The following ADK variants were observed in gnomAD, a reference collection of about 807,000 sequenced individuals.
ADK encodes N6,N6-dimethyladenosine kinase.
In ADK, 24 loss-of-function variants were observed where a neutral mutation model predicts 44.7. The ratio of observed to expected loss-of-function variants is 0.54; its 90% CI spans 0.39 to 0.76. The LOEUF (loss-of-function observed/expected upper bound fraction) is 0.76, where lower values mean the gene tolerates loss of function less well. ADK is among the 30% of genes least tolerant of loss of function. The pLI, the probability that ADK is intolerant of heterozygous loss-of-function variation, is 0.00. For missense variants in ADK, 321 were observed against 425.1 expected (o/e 0.76, Z 2.15); for synonymous variants, 128 against 142.6 (o/e 0.90, Z 0.73).
At chr10:74,443,810 C>T (rs747917579) in intron 6 of ADK, among the ~76,000 whole-genome samples, 16 of 152,008 alleles carry the variant, frequency 1.1e-4, no homozygotes, top group Non-Finnish European at 1.5e-4. Flanking sequence ...AATATTTAAA[C>T]GTACATTATA....
chr10:74,393,249 T>A (rs757663469), intron 4 of ADK, among the ~76,000 whole-genome samples: 4 of 152,202 alleles, frequency 2.6e-5, no homozygotes, highest in African/African-American at 4.8e-5. Flanking sequence ...AGATTATTTG[T>A]AGGTTATTTT....
At chr10:74,427,388 C>CG (rs1161720368) in intron 6 of ADK, among the ~76,000 whole-genome samples, 1 of 151,994 alleles carries the variant, frequency 6.6e-6, no homozygotes, top group Non-Finnish European at 1.5e-5. Context: ...TTAGTAGAGA[C>CG]GGGGTTTCAC....
chr10:74,416,270 C>T (rs1419962180), intron 6 of ADK, among the ~76,000 whole-genome samples: 1 of 151,854 alleles, frequency 6.6e-6, no homozygotes, highest in African/African-American at 2.4e-5. Context: ...TTTCCTGTTA[C>T]CCATTTTCAG....
chr10:74,293,282 A>AT, intron 3 of ADK, among the ~76,000 whole-genome samples: 1 of 152,056 alleles, frequency 6.6e-6, no homozygotes, highest in Middle Eastern at 3.4e-3. Context: ...ACACAAATAT[A>AT]TTTTTTATAC....
intron 10 of ADK, among the ~76,000 whole-genome samples, chr10:74,695,079 A>C (rs1856127390): frequency 6.6e-6 from 1 of 152,146 alleles, no homozygotes; most frequent in South Asian, 2.1e-4. Flanking sequence ...GTTGTAGCTC[A>C]AGTTTCCACC....
At chr10:74,526,779 C>G (rs1849059043) in intron 7 of ADK, among the ~76,000 whole-genome samples, 1 of 152,138 alleles carries the variant, frequency 6.6e-6, no homozygotes, top group African/African-American at 2.4e-5. Flanking sequence ...TGGTAATAGC[C>G]AAGTGCCATA....
intron 3 of ADK, among the ~76,000 whole-genome samples, chr10:74,238,839 T>C (rs1202763993): frequency 1.4e-5 from 2 of 145,128 alleles, no homozygotes; most frequent in Admixed American, 1.4e-4. Context: ...CATTGAAAAC[T>C]GCCACTTTAG....
In ADK at chr10:74,397,469, T is replaced by C. The variant is rs565613347; in HGVS notation, c.447-1002T>C. ...GGAAGGAAAGTATTTTTATTTATAA[T>C]GTAAATAATTATTGTATTTATTTTT... On this transcript the variant is annotated intron_variant, in intron 5 of 10. Coordinates refer to ENST00000539909, the MANE Select transcript of ADK (RefSeq NM_006721.4). Among the ~76,000 whole-genome samples, 6 of 152,206 alleles carry C rather than the reference T, an allele frequency of 3.9e-5. No homozygotes were observed. In the South Asian group the frequency reaches 1.2e-3, roughly 32 times the overall value.
chr10:74,188,773 C>G (rs981765705), intron 1 of ADK, among the ~76,000 whole-genome samples: 1 of 151,104 alleles, frequency 6.6e-6, no homozygotes, highest in African/African-American at 2.4e-5. Context: ...TTCATTCATT[C>G]ATTCATACAT....
At chr10:74,625,544 A>G (rs1468968156) in intron 9 of ADK, among the ~76,000 whole-genome samples, 1 of 152,176 alleles carries the variant, frequency 6.6e-6, no homozygotes. Context: ...TCACACTTCC[A>G]TTTGTTTATA....
intron 10 of ADK, among the ~76,000 whole-genome samples, chr10:74,704,589 T>TA (rs1451907740): frequency 1.3e-5 from 2 of 152,212 alleles, no homozygotes; most frequent in South Asian, 4.1e-4. Flanking sequence ...GCAAAGGTCT[T>TA]AGCTTTTTTC....
chr10:74,406,455 A>T (rs7898073), intron 6 of ADK, among the ~76,000 whole-genome samples: 97,297 of 150,294 alleles, frequency 0.65, 32,774 homozygotes, highest in Middle Eastern at 0.81. Flanking sequence ...GAAATTATTT[A>T]ACAATAAGTT....
chr10:74,204,670 C>T (rs1843523758), intron 2 of ADK, among the ~76,000 whole-genome samples: 1 of 152,166 alleles, frequency 6.6e-6, no homozygotes, highest in Non-Finnish European at 1.5e-5. Flanking sequence ...TATACAGTTA[C>T]TTTAATGATT....
chr10:74,663,381 T>A (rs535321281), intron 9 of ADK, among the ~76,000 whole-genome samples: 1 of 151,894 alleles, frequency 6.6e-6, no homozygotes, highest in African/African-American at 2.4e-5. Context: ...GTATTCCCAG[T>A]CCCTAATAAA....
intron 4 of ADK, among the ~76,000 whole-genome samples, chr10:74,364,687 GGTGTGTGTGTGTGTGTGTGTGTGTGTGT>G (rs58295310): frequency 2.4e-4 from 33 of 136,360 alleles, no homozygotes; most frequent in Non-Finnish European, 3.2e-4. Context: ...CAAAGGCTAT[GGTGTGTGTGTGTGTGTGTGTGTGTGTGT>G]GTGTGTGTGT....
intron 3 of ADK, among the ~76,000 whole-genome samples, chr10:74,255,852 T>G (rs1845804683): frequency 6.6e-6 from 1 of 152,216 alleles, no homozygotes; most frequent in Non-Finnish European, 1.5e-5. Flanking sequence ...TCTTTGGCAC[T>G]GTGGAACTTT....
intron 6 of ADK, among the ~76,000 whole-genome samples, chr10:74,507,077 G>C (rs1274634846): frequency 6.6e-6 from 1 of 152,052 alleles, no homozygotes; most frequent in African/African-American, 2.4e-5. Context: ...TTTCTTAACT[G>C]AGTATTAAAT....
intron 6 of ADK, among the ~76,000 whole-genome samples, chr10:74,495,755 T>G (rs1239412627): frequency 6.6e-6 from 1 of 152,156 alleles, no homozygotes; most frequent in Non-Finnish European, 1.5e-5. Flanking sequence ...AAAAGGACAC[T>G]TGTCAGGCTA....
At chr10:74,564,167 G>T (rs1337601194) in intron 7 of ADK, among the ~76,000 whole-genome samples, 1 of 151,612 alleles carries the variant, frequency 6.6e-6, no homozygotes, top group Non-Finnish European at 1.5e-5. Flanking sequence ...TCTTGGGATA[G>T]TTTACTGAGA....
Sources: gnomAD v4.1 joint callset for allele counts (sites outside exome capture counted in the v4.1 genomes callset) on GRCh38, gnomAD v4.1.1 for gene constraint, MANE v1.5 for transcripts, NCBI Gene and HGNC (gene_info 2026-07-23, HGNC 2026-07-21) for gene names.